CDKN2A: variants seen among roughly 807,000 people sequenced by gnomAD.
CDKN2A encodes cyclin dependent kinase inhibitor 2A.
Under a neutral mutation model 11.1 loss-of-function variants are expected in CDKN2A, and 3 were observed. That is an observed-to-expected ratio of 0.27 (90% CI 0.12 to 0.70). The LOEUF is 0.70. CDKN2A is among the 30% of genes least tolerant of loss of function. CDKN2A has a pLI of 0.77. For missense variants in CDKN2A, 265 were observed against 233.6 expected, an observed-to-expected ratio of 1.13 and a Z score of -0.88; for synonymous variants, 122 against 108.1, an observed-to-expected ratio of 1.13 and a Z score of -0.80.
chr9:21,971,341 T>C (rs971204850), intron 1 of CDKN2A, 133 bp from the exon 2 acceptor site: 61 of 1,505,680 alleles, frequency 4.1e-5, no homozygotes, highest in Admixed American at 4.2e-5. Context: ...CTACATTTGC[T>C]TCCAGTTTCC....
At position 21,994,297 on chromosome 9, in the gene CDKN2A, C is replaced by G; in HGVS notation, c.-175-244G>C. On this transcript the variant is annotated intron_variant, in intron 1 of 3. Transcript: ENST00000494262. ...CACTCGCGGCGGGCCGCACGCGCGC[C>G]GAATCCGGAGGGTCACCAAGAACCT... The G allele has an allele frequency of 1.2e-6, 2 of 1,604,392 alleles. No homozygotes were observed. Among genetic ancestry groups the G allele is most frequent in the Non-Finnish European group, 8.5e-7 (1 of 1,176,032 alleles).
At chr9:21,970,436 A>C in intron 2 of CDKN2A, 2 of 357,992 alleles carry the variant, frequency 5.6e-6, no homozygotes, top group Non-Finnish European at 1.0e-5. Context: ...AGAAGAGCCG[A>C]GATCGAGAGA....
chr9:21,976,623 G>A (rs1351353046), upstream of CDKN2A, among the ~76,000 whole-genome samples: 1 of 151,748 alleles, frequency 6.6e-6, no homozygotes, highest in Admixed American at 6.6e-5. Context: ...GCTGATGTAG[G>A]AGAATCGCTT....
chr9:21,972,563 A>G (rs1283228770), intron 1 of CDKN2A, among the ~76,000 whole-genome samples: 5 of 152,202 alleles, frequency 3.3e-5, no homozygotes, highest in Admixed American at 3.3e-4. Context: ...TTGTGGACCC[A>G]TTTTTGACTT....
rs1554653284 is a variant in CDKN2A, at chr9:21,968,239, A to T, written c.461T>A (p.Ile154Asn). The T allele has an allele frequency of 3.7e-6, 6 of 1,613,668 alleles. No homozygotes were observed. The East Asian group carries it at 1.3e-4, about 36-fold the overall frequency. The change falls in exon 3 of 3, where the codon ATC becomes AAC. Residue 154 changes from isoleucine (I) to asparagine (N), a missense_variant. Coordinates refer to ENST00000304494, the MANE Select transcript of CDKN2A (RefSeq NM_000077.5). The surrounding 1 kb of genome is among the most constrained non-coding windows in gnomAD (Gnocchi z 4.7). ...RIDAAEGPSD[I>N]PD Reference sequence around the variant, plus strand: ...GCCTCTCTGGTTCTTTCAATCGGGGATGTCTGCAGAGGGCAGAAAGAAAAC... The same window carrying T: ...GCCTCTCTGGTTCTTTCAATCGGGGTTGTCTGCAGAGGGCAGAAAGAAAAC...
At chr9:21,975,185 C>T, upstream of CDKN2A, 2 of 1,126,192 alleles carry the variant, frequency 1.8e-6, no homozygotes, top group Non-Finnish European at 2.2e-6. Flanking sequence ...CCACCTGCCC[C>T]CCACACCGCC....
intron 2 of CDKN2A, 137 bp downstream of exon 2, chr9:21,970,765 G>A (rs1248151702): frequency 3.7e-6 from 4 of 1,090,010 alleles, no homozygotes; most frequent in East Asian, 2.6e-5. Context: ...GGAGACTCAG[G>A]CCGTCCCACC....
Position 21,994,510 on chromosome 9 carries a change from A to T in CDKN2A, c.-176+311T>A, listed in dbSNP as rs1461957158. ...CTGAGCGCGCCCGCCCCCCACCTTC[A>T]CCCCCACCCCCACCCCACCCCCACT... On this transcript the variant is annotated intron_variant, in intron 1 of 3. Transcript: ENST00000494262. The T allele has an allele frequency of 1.8e-5, 19 of 1,081,664 alleles. No homozygotes were observed. The South Asian group carries it at 3.0e-4, about 17-fold the overall frequency. The allele number at this position is 1,081,664 out of a possible 1,614,324, so 67.0% of individuals were successfully genotyped here.
Position 21,974,648 on chromosome 9 carries a change from C to T in CDKN2A, c.150+30G>A, listed in dbSNP as rs1587339368. ...TCGTCCTCCAGAGTCGCCCGCCATC[C>T]CCTGCTCCCGCTGCAGACCCTCTAC... On this transcript the variant is annotated intron_variant, in intron 1 of 2. Coordinates refer to ENST00000304494, the MANE Select transcript of CDKN2A (RefSeq NM_000077.5). This position sits in a 1 kb window ranked among gnomAD's most constrained non-coding sequence, Gnocchi z 5.2. 3.1e-6 allele frequency: 5 copies of T among 1,614,212 alleles called. No individual in the cohort carries two copies. Among genetic ancestry groups the T allele is most frequent in the Non-Finnish European group, 4.2e-6 (5 of 1,180,042 alleles).
At chr9:21,987,471 C>A (rs1820330153) in intron 2 of CDKN2A, among the ~76,000 whole-genome samples, 2 of 137,320 alleles carry the variant, frequency 1.5e-5, no homozygotes. Context: ...ATTCATCCTG[C>A]ACGAACAGAA....
upstream of CDKN2A, chr9:21,974,953 C>T (rs1819977407): frequency 2.1e-6 from 3 of 1,419,394 alleles, no homozygotes; most frequent in East Asian, 8.2e-5. The surrounding 1 kb of genome is among the most constrained non-coding windows in gnomAD (Gnocchi z 5.2). Context: ...GCGGAAGAGC[C>T]CCCTCCGACC....
At chr9:21,971,534 A>C in intron 1 of CDKN2A, 1 of 366,730 alleles carries the variant, frequency 2.7e-6, no homozygotes, top group Non-Finnish European at 4.6e-6. Context: ...CCTGAGATAC[A>C]ACTACTGAAA....
intron 2 of CDKN2A, chr9:21,993,773 A>T (rs1316751271): frequency 7.4e-6 from 2 of 270,936 alleles, no homozygotes; most frequent in East Asian, 8.6e-5. Flanking sequence ...GGAGAAAGAA[A>T]GTGTGCTTGA....
chr9:21,971,292 A>T (rs532718847), intron 1 of CDKN2A, 84 bp from the exon 2 acceptor site: 20 of 1,538,764 alleles, frequency 1.3e-5, no homozygotes, highest in Non-Finnish European at 1.7e-5. Context: ...CCTCACCGCC[A>T]AGCAGACCCC....
At chr9:21,985,115 T>C (rs1820271649) in intron 2 of CDKN2A, among the ~76,000 whole-genome samples, 2 of 152,018 alleles carry the variant, frequency 1.3e-5, no homozygotes, top group South Asian at 2.1e-4. Context: ...TTTCCACTCA[T>C]GTTTTCCTTT....
rs1373953224 is a variant in CDKN2A, at chr9:21,974,519, A to T, written c.150+159T>A. The T allele has an allele frequency of 6.2e-7, 1 of 1,613,052 alleles. No individual in the cohort carries two copies. The highest frequency in any genetic ancestry group is 1.3e-5 in the African/African-American group (1 of 74,932). On this transcript the variant is annotated intron_variant, in intron 1 of 2. Transcript: ENST00000304494. This position sits in a 1 kb window ranked among gnomAD's most constrained non-coding sequence, Gnocchi z 5.2. ...CTTCCCAAGCCCCCAGGGCGTCGCC[A>T]GGAGGAGGTCTGTGATTACAAACCC...
At chr9:21,978,302 TTAA>T (rs1820090268), upstream of CDKN2A, among the ~76,000 whole-genome samples, 1 of 151,918 alleles carries the variant, frequency 6.6e-6, no homozygotes, top group South Asian at 2.1e-4. Flanking sequence ...ATGTAAATAA[TTAA>T]TAATAGTGGG....
Position 21,968,137 on chromosome 9 carries a change from T to C in CDKN2A, c.*92A>G. On this transcript the variant is annotated 3_prime_UTR_variant, in exon 3 of 3. Transcript: ENST00000304494. This position sits in a 1 kb window ranked among gnomAD's most constrained non-coding sequence, Gnocchi z 4.7. ...CTAAATGAAAACTACGAAAGCGGGG[T>C]GGGTTGTGGCGGGGGCAGTTGTGGC... 1 of 1,059,608 alleles carries C rather than the reference T, an allele frequency of 9.4e-7. No homozygotes were observed. Among genetic ancestry groups the C allele is most frequent in the Non-Finnish European group, 1.5e-6 (1 of 674,126 alleles). The allele number at this position is 1,059,608 out of a possible 1,614,324, so 65.6% of individuals were successfully genotyped here.
chr9:21,974,366 C>T lies in CDKN2A; in HGVS notation c.150+312G>A. On this transcript the variant is annotated intron_variant, in intron 1 of 2. Coordinates refer to ENST00000304494, the MANE Select transcript of CDKN2A (RefSeq NM_000077.5). This position sits in a 1 kb window ranked among gnomAD's most constrained non-coding sequence, Gnocchi z 5.2. ...TTTCTTTAAGACTCCCTTTTTATCC[C>T]AAACGTTCGTAAATTTTGTATCTGA... 2.0e-6 allele frequency: 3 copies of T among 1,521,002 alleles called. No individual in the cohort carries two copies. Among genetic ancestry groups the T allele is most frequent in the Non-Finnish European group, 2.7e-6 (3 of 1,128,772 alleles). The allele number at this position is 1,521,002 out of a possible 1,614,324, so 94.2% of individuals were successfully genotyped here. A position where few individuals can be genotyped will look rare whatever the true frequency, so the allele number is the denominator to read the frequency against.
Sources: gnomAD v4.1 joint callset for allele counts (sites outside exome capture counted in the v4.1 genomes callset) on GRCh38, gnomAD v4.1.1 for gene constraint, Gnocchi (gnomAD v3.1) non-coding constraint, MANE v1.5 for transcripts, NCBI Gene and HGNC (gene_info 2026-07-23, HGNC 2026-07-21) for gene names.